SLC16A12: variants seen among roughly 807,000 people sequenced by gnomAD.
The protein encoded by SLC16A12 is solute carrier family 16 member 12.
A neutral mutation model predicts 42.4 loss-of-function variants in SLC16A12; 17 were observed. That is an observed-to-expected ratio of 0.40 (90% CI 0.27 to 0.60). The LOEUF (loss-of-function observed/expected upper bound fraction) is 0.60, where lower values mean the gene tolerates loss of function less well. Among genes scored for constraint, SLC16A12 ranks in the 20% least tolerant of loss-of-function variants. SLC16A12 has a pLI of 0.42. For synonymous variants in SLC16A12, 224 were observed against 229.4 expected (o/e 0.98, Z 0.21); for missense variants, 544 against 623.0 (o/e 0.87, Z 1.35).
At chr10:89,484,375 T>G (rs1338794727) in intron 2 of SLC16A12, among the ~76,000 whole-genome samples, 1 of 152,200 alleles carries the variant, frequency 6.6e-6, no homozygotes, top group Non-Finnish European at 1.5e-5. Context: ...GCTAGAGGGT[T>G]ACAAATATCT....
intron 2 of SLC16A12, among the ~76,000 whole-genome samples, chr10:89,478,849 A>C (rs2133782478): frequency 6.6e-6 from 1 of 152,318 alleles, no homozygotes; most frequent in African/African-American, 2.4e-5. Context: ...GAAATGCTAA[A>C]AGCTTTGAGT....
In SLC16A12 at chr10:89,542,235, G is replaced by A. The variant is rs139080424; in HGVS notation, c.-47+13647C>T. On this transcript the variant is annotated intron_variant, in intron 2 of 2. Coordinates refer to the SLC16A12 transcript ENST00000475682. ...ATATTGTTATGAATTATTATTATATGCTAACAAATATTATTTTTGAATTTA... is the reference window on the plus strand; with the variant it reads ...ATATTGTTATGAATTATTATTATATACTAACAAATATTATTTTTGAATTTA... Among the ~76,000 whole-genome samples the A allele has an allele frequency of 4.2e-3, 644 of 151,820 alleles. 5 individuals carry two copies. Among genetic ancestry groups the A allele is most frequent in the South Asian group, 0.013 (61 of 4,802 alleles).
intron 2 of SLC16A12, among the ~76,000 whole-genome samples, chr10:89,519,977 G>A (rs1843325907): frequency 6.6e-6 from 1 of 151,858 alleles, no homozygotes; most frequent in South Asian, 2.1e-4. Flanking sequence ...GTTGGATGTG[G>A]TGGTGGGCGC....
chr10:89,520,487 T>C (rs530886284), intron 2 of SLC16A12, among the ~76,000 whole-genome samples: 4 of 152,246 alleles, frequency 2.6e-5, no homozygotes, highest in East Asian at 3.9e-4. Flanking sequence ...TAGAACTCAA[T>C]AAGCATTTGT....
At position 89,525,358 on chromosome 10, in the gene SLC16A12, A is replaced by G. The variant is rs538609075; in HGVS notation, c.-47+9143T>C. Among the ~76,000 whole-genome samples, 7 of 152,308 alleles carry G rather than the reference A, an allele frequency of 4.6e-5. No individual in the cohort carries two copies. The East Asian group carries it at 1.3e-3, about 29-fold the overall frequency. ...ATGCCAGGAACATTCTGAGATACCAATTTGGGTCCATCAGTTACTGAGCAA... is the reference window on the plus strand; with the variant it reads ...ATGCCAGGAACATTCTGAGATACCAGTTTGGGTCCATCAGTTACTGAGCAA... On this transcript the variant is annotated intron_variant, in intron 2 of 7. Coordinates refer to ENST00000371790, the MANE Select transcript of SLC16A12 (RefSeq NM_213606.4).
intron 2 of SLC16A12, among the ~76,000 whole-genome samples, chr10:89,529,490 T>C (rs1843506246): frequency 6.6e-6 from 1 of 151,756 alleles, no homozygotes; most frequent in African/African-American, 2.4e-5. Context: ...GGGGAAACAG[T>C]TGCTGATTTT....
chr10:89,476,114 C>T lies in SLC16A12; in HGVS notation c.-46-13490G>A, dbSNP rs147070463. On this transcript the variant is annotated intron_variant, in intron 2 of 7. Transcript: ENST00000371790. ...CATGAATAAATTTTTGTGTCTAACTCAGTGCCTTGTATAACTCTTTTATTC... is the reference window on the plus strand; with the variant it reads ...CATGAATAAATTTTTGTGTCTAACTTAGTGCCTTGTATAACTCTTTTATTC... Among the ~76,000 whole-genome samples the T allele has an allele frequency of 3.9e-5, 6 of 152,294 alleles. No homozygotes were observed. The East Asian group carries it at 1.2e-3, about 29-fold the overall frequency.
At chr10:89,482,102 A>G (rs1412866452) in intron 2 of SLC16A12, among the ~76,000 whole-genome samples, 1 of 152,200 alleles carries the variant, frequency 6.6e-6, no homozygotes, top group African/African-American at 2.4e-5. Context: ...ATAATTAATC[A>G]TCTAAAAGAT....
chr10:89,515,764 C>T (rs1175990478), intron 2 of SLC16A12, among the ~76,000 whole-genome samples: 1 of 152,104 alleles, frequency 6.6e-6, no homozygotes, highest in African/African-American at 2.4e-5. Flanking sequence ...ATAACTGTGG[C>T]CATGGTAAAT....
intron 2 of SLC16A12, among the ~76,000 whole-genome samples, chr10:89,472,487 C>CTTTTTTTTTTTTTTTTTTTT (rs71022567): frequency 6.5e-4 from 58 of 89,890 alleles, no homozygotes; most frequent in Non-Finnish European, 8.7e-4. Context: ...TCTTTTCTTT[C>CTTTTTTTTTTTTTTTTTTTT]TTTTTTTTTT....
intron 2 of SLC16A12, among the ~76,000 whole-genome samples, chr10:89,507,066 A>G (rs1843074748): frequency 6.6e-6 from 1 of 152,142 alleles, no homozygotes; most frequent in Non-Finnish European, 1.5e-5. Context: ...TCCAAGAAAT[A>G]TGGGACTATG....
chr10:89,549,573 A>C (rs181108527), intron 2 of SLC16A12, among the ~76,000 whole-genome samples: 30 of 152,334 alleles, frequency 2.0e-4, no homozygotes, highest in African/African-American at 7.0e-4. Flanking sequence ...ATAAAGTGAA[A>C]AGAAAAAGTC....
chr10:89,466,279 T>C (rs145249270), intron 2 of SLC16A12, among the ~76,000 whole-genome samples: 1 of 152,226 alleles, frequency 6.6e-6, no homozygotes, highest in Non-Finnish European at 1.5e-5. Context: ...ATTAATTCAA[T>C]AGATATTTAT....
intron 2 of SLC16A12, among the ~76,000 whole-genome samples, chr10:89,494,952 A>T (rs559723960): frequency 6.6e-6 from 1 of 152,338 alleles, no homozygotes; most frequent in South Asian, 2.1e-4. Flanking sequence ...CGGAAGTAGC[A>T]AGGGAAGGCA....
chr10:89,533,739 A>G (rs945358320), intron 2 of SLC16A12, among the ~76,000 whole-genome samples: 13 of 151,900 alleles, frequency 8.6e-5, no homozygotes, highest in Admixed American at 6.6e-5. Flanking sequence ...AATTTAAAAT[A>G]TTACTTAAAA....
intron 3 of SLC16A12, among the ~76,000 whole-genome samples, chr10:89,458,255 G>A (rs941520489): frequency 2.0e-5 from 3 of 152,166 alleles, no homozygotes; most frequent in Admixed American, 6.5e-5. Flanking sequence ...CTGGCCAAAC[G>A]AGGCAGGGGT....
At chr10:89,539,953 T>G (rs935879208), upstream of SLC16A12, among the ~76,000 whole-genome samples, 2 of 148,776 alleles carry the variant, frequency 1.3e-5, no homozygotes, top group African/African-American at 5.1e-5. Flanking sequence ...TCTTTCTCTT[T>G]CTTTCTTCTT....
At chr10:89,473,488 T>C (rs1442832694) in intron 2 of SLC16A12, among the ~76,000 whole-genome samples, 1 of 152,166 alleles carries the variant, frequency 6.6e-6, no homozygotes, top group African/African-American at 2.4e-5. Flanking sequence ...TCTTTATAAC[T>C]TGGGAATAGG....
chr10:89,548,470 G>A (rs936983845), intron 2 of SLC16A12, among the ~76,000 whole-genome samples: 14 of 152,176 alleles, frequency 9.2e-5, no homozygotes, highest in African/African-American at 2.2e-4. Context: ...GCAGCAGGCC[G>A]AGGACCAGAC....
Sources: gnomAD v4.1 joint callset for allele counts (sites outside exome capture counted in the v4.1 genomes callset) on GRCh38, gnomAD v4.1.1 for gene constraint, MANE v1.5 for transcripts, NCBI Gene and HGNC (gene_info 2026-07-23, HGNC 2026-07-21) for gene names.